The following EQTN variants were observed in gnomAD, a reference collection of about 807,000 sequenced individuals.
EQTN encodes Acrosome formation associated factor.
EQTN carries 29 observed loss-of-function variants against 26.9 expected under a neutral mutation model. The ratio of observed to expected loss-of-function variants is 1.08; its 90% CI spans 0.80 to 1.47. The LOEUF (loss-of-function observed/expected upper bound fraction) is 1.47. Ranked by LOEUF, EQTN falls within the 40% of genes most tolerant of loss-of-function variation. The pLI, the probability that EQTN is intolerant of heterozygous loss-of-function variation, is 0.00. For missense variants in EQTN, 391 were observed against 346.1 expected (o/e 1.13, Z -1.03); for synonymous variants, 129 against 120.0 (o/e 1.07, Z -0.49).
intron 5 of EQTN, among the ~76,000 whole-genome samples, 173 bp from the exon 6 acceptor site, chr9:27,289,904 C>CAA (rs1820197050): frequency 6.6e-6 from 1 of 152,196 alleles, no homozygotes; most frequent in African/African-American, 2.4e-5. Context: ...GAATACTGAA[C>CAA]TGTTGCTCCC....
At chr9:27,289,651 A>G (rs1383880209) in intron 6 of EQTN, 21 bp downstream of exon 6, 4 of 1,591,452 alleles carry the variant, frequency 2.5e-6, no homozygotes, top group Non-Finnish European at 1.7e-6. Flanking sequence ...CACCCAGTCA[A>G]TTGAAATATT....
intron 2 of EQTN, among the ~76,000 whole-genome samples, chr9:27,295,353 A>G (rs1406744301): frequency 1.3e-5 from 2 of 152,240 alleles, no homozygotes; most frequent in Admixed American, 6.5e-5. Context: ...TTCTAGGGAC[A>G]GACAGTTTAA....
chr9:27,294,938 C>T (rs1316619079), intron 2 of EQTN, among the ~76,000 whole-genome samples: 2 of 152,014 alleles, frequency 1.3e-5, no homozygotes, highest in African/African-American at 4.8e-5. Flanking sequence ...GTATATATTC[C>T]CCCCGCCAAA....
Position 27,292,511 on chromosome 9 carries a change from T to A in EQTN, c.290-24A>T, listed in dbSNP as rs1820257574. ...ATCTAGGAAAAGGGAAAAAGAATTA[T>A]CAGCATGTAAAAATACTGACGAAAC... On this transcript the variant is annotated intron_variant, in intron 3 of 7. Coordinates refer to ENST00000380032, the MANE Select transcript of EQTN (RefSeq NM_020641.3). 2.1e-6 allele frequency: 3 copies of A among 1,453,022 alleles called. No individual in the cohort carries two copies. The African/African-American group carries it at 4.3e-5, about 21-fold the overall frequency. 90.0% of individuals were successfully genotyped at this position (1,453,022 alleles called of 1,614,324 possible). A position where few individuals can be genotyped will look rare whatever the true frequency, so the allele number is the denominator to read the frequency against.
chr9:27,288,714 G>A (rs1474105963), intron 6 of EQTN, among the ~76,000 whole-genome samples: 1 of 152,122 alleles, frequency 6.6e-6, no homozygotes, highest in Non-Finnish European at 1.5e-5. Context: ...AAACATGGAG[G>A]AATCTTAAAT....
In EQTN at chr9:27,285,133, CTTTTTTTT is replaced by C. The variant is rs201723057; in HGVS notation, c.636-169_636-162del. 7.8e-5 allele frequency among the ~76,000 whole-genome samples: 6 copies of C among 77,078 alleles called. No homozygotes were observed. The East Asian group carries it at 1.1e-3, about 14-fold the overall frequency. 50.6% of individuals were successfully genotyped at this position (77,078 alleles called of 152,430 possible). On this transcript the variant is annotated intron_variant, in intron 7 of 7. Coordinates refer to ENST00000380032, the MANE Select transcript of EQTN (RefSeq NM_020641.3). ...GATATATAGTTTTTCTTTTCTTTTC[CTTTTTTTT>C]TTTTTTTTTTTTTTTTTTTTTGAGA...
intron 5 of EQTN, among the ~76,000 whole-genome samples, 162 bp downstream of exon 5, chr9:27,290,857 C>G (rs1008228695): frequency 2.6e-5 from 4 of 152,162 alleles, no homozygotes; most frequent in African/African-American, 9.7e-5. Context: ...ATGTGTGACA[C>G]TTTATCACCT....
Position 27,284,915 on chromosome 9 carries a change from G to A in EQTN, c.693C>T (p.Tyr231=), listed in dbSNP as rs1352205210. ...SVNPELATMS[Y]FHPSEGVSDT... ...CTGAAACACCTTCTGATGGATGAAA[G>A]TAAGACATCGTGGCCAGCTCTGGGT... Residue 231 remains tyrosine (Y), a synonymous_variant, in exon 8 of 8, where the codon TAC becomes TAT. Coordinates refer to ENST00000380032, the MANE Select transcript of EQTN (RefSeq NM_020641.3). The A allele has an allele frequency of 6.8e-6, 11 of 1,613,996 alleles. No homozygotes were observed. Among genetic ancestry groups the A allele is most frequent in the Non-Finnish European group, 9.3e-6 (11 of 1,179,996 alleles).
chr9:27,294,682 G>A (rs1345061724), intron 2 of EQTN, among the ~76,000 whole-genome samples: 7 of 152,072 alleles, frequency 4.6e-5, no homozygotes, highest in Non-Finnish European at 1.0e-4. Flanking sequence ...CACATAACAG[G>A]TGCTGAAGTA....
chr9:27,292,313 T>C, intron 4 of EQTN, 88 bp downstream of exon 4: 1 of 743,692 alleles, frequency 1.3e-6, no homozygotes, highest in Non-Finnish European at 2.2e-6. Flanking sequence ...GCTATGGCTT[T>C]ATGTAATGCT....
At chr9:27,292,218 T>A in intron 4 of EQTN, 183 bp downstream of exon 4, 1 of 368,726 alleles carries the variant, frequency 2.7e-6, no homozygotes, top group East Asian at 4.0e-5. Context: ...CTTTGTCAGG[T>A]ATACCTGAAG....
chr9:27,284,783 A>T lies in EQTN; in HGVS notation c.825T>A (p.Asp275Glu). The change falls in exon 8 of 8, where the codon GAT becomes GAA. Residue 275 changes from aspartate to glutamate, a missense_variant. Transcript: ENST00000380032. ...TRTSESKIMT[D>E]IISIGSDNEM... ...CATTATCTGAGCCTATGGAAATGATATCCGTCATTATCTTAGATTCTGATG... is the reference window on the plus strand; with the variant it reads ...CATTATCTGAGCCTATGGAAATGATTTCCGTCATTATCTTAGATTCTGATG... The T allele has an allele frequency of 5.0e-6, 8 of 1,614,124 alleles. No homozygotes were observed. The highest frequency in any genetic ancestry group is 6.8e-6 in the Non-Finnish European group (8 of 1,179,990).
intron 2 of EQTN, 192 bp from the exon 3 acceptor site, chr9:27,294,594 C>A: frequency 2.7e-6 from 1 of 370,388 alleles, no homozygotes; most frequent in South Asian, 8.9e-5. Flanking sequence ...TTGAAAAAAG[C>A]CAAACTAGTA....
Position 27,285,098 on chromosome 9 carries a change from T to C in EQTN, c.636-126A>G, listed in dbSNP as rs1371016026. 6.9e-6 allele frequency: 4 copies of C among 578,078 alleles called. No homozygotes were observed. The East Asian group carries it at 9.5e-5, about 14-fold the overall frequency. The allele number at this position is 578,078 out of a possible 1,614,324, so 35.8% of individuals were successfully genotyped here. On this transcript the variant is annotated intron_variant, in intron 7 of 7. Coordinates refer to ENST00000380032, the MANE Select transcript of EQTN (RefSeq NM_020641.3). Reference sequence around the variant, plus strand: ...CCAAAGTGTTAGTTACTTAGTAACATTATGTGAATGATATATAGTTTTTCT... The same window carrying C: ...CCAAAGTGTTAGTTACTTAGTAACACTATGTGAATGATATATAGTTTTTCT...
chr9:27,291,150 A>T (rs1587113420), intron 4 of EQTN, 87 bp from the exon 5 acceptor site: 76 of 1,226,286 alleles, frequency 6.2e-5, no homozygotes, highest in Non-Finnish European at 7.0e-5. Context: ...TTCGTTTGTT[A>T]GTCATTTAGC....
chr9:27,290,217 C>T (rs548206679), intron 5 of EQTN, among the ~76,000 whole-genome samples: 2 of 152,116 alleles, frequency 1.3e-5, no homozygotes, highest in African/African-American at 2.4e-5. Flanking sequence ...CAAAAAAGCA[C>T]AAAAAATGCA....
In EQTN at chr9:27,291,078, C is replaced by A. The variant is rs142967975; in HGVS notation, c.377-15G>T. 5 of 1,597,326 alleles carry A rather than the reference C, an allele frequency of 3.1e-6. No individual in the cohort carries two copies. In the African/African-American group the frequency reaches 6.7e-5, roughly 21 times the overall value. On this transcript the variant is annotated splice_polypyrimidine_tract_variant and intron_variant, in intron 4 of 7. Coordinates refer to ENST00000380032, the MANE Select transcript of EQTN (RefSeq NM_020641.3). Reference sequence around the variant, plus strand: ...TGGGGTTGATCCTGTTAAAACAAAACAAAACACAACAAGAACAACAAGAAA... The same window carrying A: ...TGGGGTTGATCCTGTTAAAACAAAAAAAAACACAACAAGAACAACAAGAAA...
chr9:27,292,572 G>A, intron 3 of EQTN, 85 bp from the exon 4 acceptor site: 4 of 688,036 alleles, frequency 5.8e-6, no homozygotes, highest in South Asian at 2.3e-5. Flanking sequence ...TCTATTAAAT[G>A]GATATTATGG....
At chr9:27,293,094 T>C (rs1024728613) in intron 3 of EQTN, among the ~76,000 whole-genome samples, 4 of 152,106 alleles carry the variant, frequency 2.6e-5, no homozygotes, top group Admixed American at 2.0e-4. Context: ...TTCAATTAAC[T>C]GCTTAATACA....
Sources: allele counts gnomAD v4.1 joint callset (sites outside exome capture counted in the v4.1 genomes callset), GRCh38; gene constraint gnomAD v4.1.1; transcripts MANE v1.5; gene names NCBI Gene and HGNC (gene_info 2026-07-23, HGNC 2026-07-21).